Variants in NLGN1 observed in about 807,000 individuals in gnomAD.
NLGN1 encodes neuroligin-1.
In NLGN1, 12 loss-of-function variants were observed where a neutral mutation model predicts 65.5. That is an observed-to-expected ratio of 0.18 (90% CI 0.12 to 0.30). The LOEUF (loss-of-function observed/expected upper bound fraction) is 0.30. Among genes scored for constraint, NLGN1 ranks in the 10% least tolerant of loss-of-function variants. The pLI, the probability that NLGN1 is intolerant of heterozygous loss-of-function variation, is 1.00. For missense variants in NLGN1, 750 were observed against 1,007.1 expected (o/e 0.74, Z 3.46); for synonymous variants, 350 against 359.5 (o/e 0.97, Z 0.30).
intron 4 of NLGN1, among the ~76,000 whole-genome samples, chr3:173,862,656 G>C (rs1388267337): frequency 6.6e-6 from 1 of 151,660 alleles, no homozygotes; most frequent in Non-Finnish European, 1.5e-5. Context: ...AACACCAAGC[G>C]AATAACTGTG....
At chr3:173,538,690 C>T (rs1737872395) in intron 2 of NLGN1, among the ~76,000 whole-genome samples, 1 of 152,168 alleles carries the variant, frequency 6.6e-6, no homozygotes, top group African/African-American at 2.4e-5. Context: ...TGGCTCTAGC[C>T]AGTTGGCCTT....
In NLGN1 at chr3:174,157,459, T is replaced by C. The variant is rs562523599; in HGVS notation, c.647-117856T>C. Among the ~76,000 whole-genome samples, 4 of 151,952 alleles carry C rather than the reference T, an allele frequency of 2.6e-5. No homozygotes were observed. The East Asian group carries it at 7.7e-4, about 29-fold the overall frequency. The stretch of plus-strand genomic sequence containing the variant: ...AAAGGTTTTTAAAAAAATTCATCAA[T>C]GGGTTTAGATAATTCAGATATTCAT... On this transcript the variant is annotated intron_variant, in intron 4 of 6. Transcript: ENST00000457714.
At chr3:174,256,447 G>A (rs907812204) in intron 4 of NLGN1, among the ~76,000 whole-genome samples, 2 of 152,014 alleles carry the variant, frequency 1.3e-5, no homozygotes, top group African/African-American at 4.8e-5. Flanking sequence ...ATATTACCAT[G>A]CTGTTTCCAT....
chr3:173,968,279 A>C (rs75997734), intron 4 of NLGN1, among the ~76,000 whole-genome samples: 2,533 of 152,270 alleles, frequency 0.017, 73 homozygotes, highest in African/African-American at 0.056. Context: ...GAAAAGGAAT[A>C]TTTTAAAGAA....
rs1036452398 is a variant in NLGN1 at position 173,700,883 on chromosome 3, T to A, written c.493+95792T>A. On this transcript the variant is annotated intron_variant, in intron 3 of 6. Transcript: ENST00000457714. Reference sequence around the variant, plus strand: ...GCTCAAGCCTGTAATCCCAGCACTTTGGGAGGCCGAGGCGGGCGGATCACA... The same window carrying A: ...GCTCAAGCCTGTAATCCCAGCACTTAGGGAGGCCGAGGCGGGCGGATCACA... Among the ~76,000 whole-genome samples the A allele has an allele frequency of 4.6e-5, 7 of 152,252 alleles. No homozygotes were observed. In the East Asian group the frequency reaches 1.4e-3, roughly 30 times the overall value.
At chr3:173,525,610 A>T (rs1360476525) in intron 2 of NLGN1, among the ~76,000 whole-genome samples, 1 of 151,160 alleles carries the variant, frequency 6.6e-6, no homozygotes, top group Non-Finnish European at 1.5e-5. Context: ...TTGTGCTCTG[A>T]TCCTTGTTAT....
At chr3:173,495,976 G>A (rs184926198) in intron 2 of NLGN1, among the ~76,000 whole-genome samples, 26 of 151,688 alleles carry the variant, frequency 1.7e-4, no homozygotes, top group South Asian at 6.2e-4. Flanking sequence ...GTGTGGTTCC[G>A]TGTCTCTGTA....
intron 3 of NLGN1, among the ~76,000 whole-genome samples, chr3:173,682,038 A>T (rs1373597896): frequency 6.6e-6 from 1 of 152,172 alleles, no homozygotes; most frequent in Non-Finnish European, 1.5e-5. Context: ...GTTAGAACTG[A>T]TTCGATCATG....
chr3:173,746,687 T>C (rs2150131337), intron 3 of NLGN1, among the ~76,000 whole-genome samples: 1 of 152,168 alleles, frequency 6.6e-6, no homozygotes, highest in Non-Finnish European at 1.5e-5. Context: ...TTTATGTAAT[T>C]ATTTGTTCAA....
intron 2 of NLGN1, among the ~76,000 whole-genome samples, chr3:173,573,931 C>T (rs1192540717): frequency 2.6e-5 from 4 of 151,454 alleles, no homozygotes; most frequent in Non-Finnish European, 5.9e-5. Context: ...GGCGTGGTAG[C>T]GGGCGCCTGT....
At chr3:173,686,668 C>T (rs1430263259) in intron 3 of NLGN1, among the ~76,000 whole-genome samples, 1 of 152,098 alleles carries the variant, frequency 6.6e-6, no homozygotes, top group East Asian at 1.9e-4. Flanking sequence ...TAAATAGACA[C>T]TCATGGCTGG....
At chr3:173,500,390 A>G (rs1020948362) in intron 2 of NLGN1, among the ~76,000 whole-genome samples, 7 of 152,132 alleles carry the variant, frequency 4.6e-5, no homozygotes, top group African/African-American at 1.4e-4. Context: ...CCTTGCCTCC[A>G]AGGGATGAAG....
intron 4 of NLGN1, among the ~76,000 whole-genome samples, chr3:174,139,449 A>C (rs977341003): frequency 6.8e-6 from 1 of 147,638 alleles, no homozygotes; most frequent in South Asian, 2.2e-4. Flanking sequence ...TTGATAGCTT[A>C]TTTTTTTTTT....
chr3:173,538,411 A>T (rs1442563375), intron 2 of NLGN1, among the ~76,000 whole-genome samples: 2 of 152,216 alleles, frequency 1.3e-5, no homozygotes. Context: ...GAGCAGGGAC[A>T]ATGCTGTATG....
chr3:173,747,295 C>CT (rs1775599042), intron 3 of NLGN1, among the ~76,000 whole-genome samples: 4 of 127,814 alleles, frequency 3.1e-5, no homozygotes, highest in African/African-American at 9.8e-5. Flanking sequence ...TTAAATATAT[C>CT]TTATGTATGT....
intron 4 of NLGN1, among the ~76,000 whole-genome samples, chr3:173,944,568 G>T (rs1006871424): frequency 1.3e-5 from 2 of 152,062 alleles, no homozygotes; most frequent in African/African-American, 2.4e-5. Context: ...GACTGGCAAG[G>T]CTAAGAAGGA....
chr3:173,747,276 T>TA (rs1411611687), intron 3 of NLGN1, among the ~76,000 whole-genome samples: 14 of 140,676 alleles, frequency 1.0e-4, no homozygotes, highest in African/African-American at 1.6e-4. Context: ...TATCTTTAAG[T>TA]ATATATATTT....
intron 4 of NLGN1, among the ~76,000 whole-genome samples, chr3:174,053,578 G>A (rs1237167173): frequency 6.6e-6 from 1 of 151,968 alleles, no homozygotes; most frequent in Non-Finnish European, 1.5e-5. Flanking sequence ...TGGGAAAAGA[G>A]CAGTAAGTAA....
intron 2 of NLGN1, among the ~76,000 whole-genome samples, chr3:173,464,727 A>C (rs1197436732): frequency 6.6e-6 from 1 of 152,138 alleles, no homozygotes; most frequent in Non-Finnish European, 1.5e-5. Context: ...GAGCCACCGT[A>C]CCTGGCTGGT....
Sources: allele counts gnomAD v4.1 joint callset (sites outside exome capture counted in the v4.1 genomes callset), GRCh38; gene constraint gnomAD v4.1.1; transcripts MANE v1.5; gene names NCBI Gene and HGNC (gene_info 2026-07-23, HGNC 2026-07-21).